The following VWC2L variants were observed in gnomAD, a reference collection of about 807,000 sequenced individuals.
The protein encoded by VWC2L is von Willebrand factor C domain containing 2 like.
Under a neutral mutation model 21.6 loss-of-function variants are expected in VWC2L, and 10 were observed. The observed-to-expected ratio is 0.46, with a 90% CI of 0.29 to 0.78. The LOEUF (loss-of-function observed/expected upper bound fraction) is 0.78. Among genes scored for constraint, VWC2L ranks in the 30% least tolerant of loss-of-function variants. The probability of loss-of-function intolerance (pLI) is 0.10; values close to 1 mark genes in which losing one functional copy is unlikely to be tolerated. For missense variants in VWC2L, 209 were observed against 277.1 expected (o/e 0.75, Z 1.74); for synonymous variants, 96 against 94.3 (o/e 1.02, Z -0.10).
In VWC2L at chr2:214,414,506, T is replaced by C; in HGVS notation, c.313T>C (p.Cys105Arg). The change falls in exon 2 of 4, where the codon TGC becomes CGC. Residue 105 changes from cysteine to arginine, a missense_variant. Physicochemically the swap from Cys to Arg is radical, Grantham distance 180. Coordinates refer to ENST00000312504, the MANE Select transcript of VWC2L (RefSeq NM_001080500.4). ...GTGTACTAAAGTGGAACACAATGGA[T>C]GCTGTCCTGAGTGCAAAGAAGTAAA... ...PKCTKVEHNG[C>R]CPECKEVKNF... 6.2e-7 allele frequency: 1 copy of C among 1,613,498 alleles called. No homozygotes were observed.
chr2:214,575,838 T>A lies in VWC2L; in HGVS notation c.*18T>A. The stretch of plus-strand genomic sequence containing the variant: ...CTGTGTAGGACAAACTTCCACCCAA[T>A]GATGAGTTCTTAGGAAAGGATGCTA... On this transcript the variant is annotated 3_prime_UTR_variant, in exon 4 of 4. Coordinates refer to ENST00000312504, the MANE Select transcript of VWC2L (RefSeq NM_001080500.4). 1 of 1,607,704 alleles carries A rather than the reference T, an allele frequency of 6.2e-7. No homozygotes were observed.
chr2:214,454,131 T>C (rs1703018153), intron 3 of VWC2L, among the ~76,000 whole-genome samples: 1 of 152,172 alleles, frequency 6.6e-6, no homozygotes, highest in South Asian at 2.1e-4. Flanking sequence ...TTCTGAAACG[T>C]TGTTAAACTC....
rs533054587 is a variant in VWC2L at position 214,475,017 on chromosome 2, C to T, written c.520+38259C>T. Reference sequence around the variant, plus strand: ...GAATCTGGTTTGGGACAACTGTTATCTCTGGCACATAGTGGTCTCACCAAG... The same window carrying T: ...GAATCTGGTTTGGGACAACTGTTATTTCTGGCACATAGTGGTCTCACCAAG... On this transcript the variant is annotated intron_variant, in intron 3 of 3. Transcript: ENST00000312504. 5.9e-5 allele frequency among the ~76,000 whole-genome samples: 9 copies of T among 152,208 alleles called. No homozygotes were observed. The South Asian group carries it at 1.9e-3, about 32-fold the overall frequency.
Position 214,577,534 on chromosome 2 carries a change from T to G in VWC2L, c.*1714T>G, listed in dbSNP as rs1007386142. 1.3e-5 allele frequency: 2 copies of G among 151,976 alleles called. No individual in the cohort carries two copies. Among genetic ancestry groups the G allele is most frequent in the Admixed American group, 6.6e-5 (1 of 15,256 alleles). The allele number at this position is 151,976 out of a possible 1,614,324, so 9.4% of individuals were successfully genotyped here. A position where few individuals can be genotyped will look rare whatever the true frequency, so the allele number is the denominator to read the frequency against. On this transcript the variant is annotated 3_prime_UTR_variant, in exon 4 of 4. Coordinates refer to ENST00000312504, the MANE Select transcript of VWC2L (RefSeq NM_001080500.4). ...GTGGTCTAGAATAATCAGTATAGAG[T>G]GGTTTCTGGCAGGGGACACAGTAGG...
intron 3 of VWC2L, among the ~76,000 whole-genome samples, chr2:214,533,800 A>T (rs764658296): frequency 9.9e-5 from 15 of 152,160 alleles, no homozygotes; most frequent in Non-Finnish European, 2.1e-4. Flanking sequence ...AATTATCTGT[A>T]TACAGCTTCT....
At chr2:214,573,956 C>T (rs1179701815) in intron 3 of VWC2L, among the ~76,000 whole-genome samples, 1 of 152,186 alleles carries the variant, frequency 6.6e-6, no homozygotes, top group Admixed American at 6.5e-5. Flanking sequence ...GTCTGCCCAA[C>T]ATGGTGAAAC....
chr2:214,462,251 C>CA (rs1559297960), intron 3 of VWC2L, among the ~76,000 whole-genome samples: 1 of 152,168 alleles, frequency 6.6e-6, no homozygotes, highest in African/African-American at 2.4e-5. Flanking sequence ...TTAGGGCCCA[C>CA]AGGGGGCAAG....
chr2:214,539,394 T>C (rs935146384), intron 3 of VWC2L, among the ~76,000 whole-genome samples: 2 of 152,198 alleles, frequency 1.3e-5, no homozygotes, highest in Non-Finnish European at 2.9e-5. Context: ...AAATAAATGC[T>C]GTCATTAGTT....
chr2:214,413,875 G>A (rs1269016979), intron 1 of VWC2L, among the ~76,000 whole-genome samples: 3 of 152,092 alleles, frequency 2.0e-5, no homozygotes, highest in East Asian at 1.9e-4. Context: ...AATTCAGAAG[G>A]AAAATTCAAG....
At position 214,575,856 on chromosome 2, in the gene VWC2L, G is replaced by A. The variant is rs755705702; in HGVS notation, c.*36G>A. The A allele has an allele frequency of 6.3e-7, 1 of 1,591,538 alleles. No homozygotes were observed. On this transcript the variant is annotated 3_prime_UTR_variant, in exon 4 of 4. Transcript: ENST00000312504. ...CACCCAATGATGAGTTCTTAGGAAAGGATGCTATGGCTTCAACACTGCACA... is the reference window on the plus strand; with the variant it reads ...CACCCAATGATGAGTTCTTAGGAAAAGATGCTATGGCTTCAACACTGCACA...
intron 3 of VWC2L, among the ~76,000 whole-genome samples, chr2:214,511,141 G>C (rs944627594): frequency 6.6e-6 from 1 of 151,782 alleles, no homozygotes; most frequent in East Asian, 1.9e-4. Flanking sequence ...TTAAAAATTA[G>C]CCAAATGCAG....
intron 3 of VWC2L, among the ~76,000 whole-genome samples, chr2:214,466,951 T>G (rs937806045): frequency 2.0e-5 from 3 of 152,240 alleles, no homozygotes; most frequent in Non-Finnish European, 4.4e-5. Context: ...GCATGACTAG[T>G]AATTTCTAAT....
At chr2:214,529,143 G>A (rs1017379050) in intron 3 of VWC2L, among the ~76,000 whole-genome samples, 5 of 152,118 alleles carry the variant, frequency 3.3e-5, no homozygotes, top group African/African-American at 4.8e-5. Flanking sequence ...CTGATCCAAC[G>A]CTCTTGCCAC....
In VWC2L at chr2:214,523,660, G is replaced by A. The variant is rs1040358079; in HGVS notation, c.521-52012G>A. On this transcript the variant is annotated intron_variant, in intron 3 of 3. Transcript: ENST00000312504. ...TTGAGACCAGCCTGGCCAACATGGTGAAACCCCATTTCTACTAAAAATACA... is the reference window on the plus strand; with the variant it reads ...TTGAGACCAGCCTGGCCAACATGGTAAAACCCCATTTCTACTAAAAATACA... 2.2e-4 allele frequency among the ~76,000 whole-genome samples: 33 copies of A among 152,220 alleles called. 1 individual carries two copies. The highest frequency in any genetic ancestry group is 7.9e-4 in the African/African-American group (33 of 41,538).
Position 214,576,719 on chromosome 2 carries a change from C to T in VWC2L, c.*899C>T, listed in dbSNP as rs1276228404. ...AATACCAGAACCAGGGTGAGAAAAC[C>T]CACTGTGAATCCAAATCCTTATGAA... On this transcript the variant is annotated 3_prime_UTR_variant, in exon 4 of 4. Transcript: ENST00000312504. 1 of 152,064 alleles carries T rather than the reference C, an allele frequency of 6.6e-6. No individual in the cohort carries two copies. Among genetic ancestry groups the T allele is most frequent in the Non-Finnish European group, 1.5e-5 (1 of 68,016 alleles). The allele number at this position is 152,064 out of a possible 1,614,324, so 9.4% of individuals were successfully genotyped here.
At chr2:214,506,146 G>T (rs761623756) in intron 3 of VWC2L, among the ~76,000 whole-genome samples, 1 of 152,124 alleles carries the variant, frequency 6.6e-6, no homozygotes, top group Non-Finnish European at 1.5e-5. Context: ...CTTTCAAAAG[G>T]CTGTTTCCTA....
intron 3 of VWC2L, among the ~76,000 whole-genome samples, chr2:214,465,665 G>A (rs989175814): frequency 3.3e-5 from 5 of 152,152 alleles, no homozygotes; most frequent in African/African-American, 4.8e-5. Flanking sequence ...CACTGGCTCA[G>A]AGCCCAGCTC....
At position 214,535,701 on chromosome 2, in the gene VWC2L, C is replaced by G. The variant is rs946865387; in HGVS notation, c.521-39971C>G. Reference sequence around the variant, plus strand: ...CTGACAGCCTGACTCAGGCTGTATACAGCTACAGAGTACTTAGATCAATTA... The same window carrying G: ...CTGACAGCCTGACTCAGGCTGTATAGAGCTACAGAGTACTTAGATCAATTA... On this transcript the variant is annotated intron_variant, in intron 3 of 3. Coordinates refer to ENST00000312504, the MANE Select transcript of VWC2L (RefSeq NM_001080500.4). Among the ~76,000 whole-genome samples, 4 of 152,134 alleles carry G rather than the reference C, an allele frequency of 2.6e-5. No homozygotes were observed. In the East Asian group the frequency reaches 5.8e-4, roughly 22 times the overall value.
At chr2:214,417,654 C>G (rs543490878) in intron 2 of VWC2L, among the ~76,000 whole-genome samples, 1 of 151,900 alleles carries the variant, frequency 6.6e-6, no homozygotes, top group African/African-American at 2.4e-5. Context: ...AAAATGCTAT[C>G]CTAGTAAGAG....
Sources: gnomAD v4.1 joint callset for allele counts (sites outside exome capture counted in the v4.1 genomes callset) on GRCh38, gnomAD v4.1.1 for gene constraint, MANE v1.5 for transcripts, NCBI Gene and HGNC (gene_info 2026-07-23, HGNC 2026-07-21) for gene names.